ABI3BP: variants seen among roughly 807,000 people sequenced by gnomAD.
ABI3BP encodes target of Nesh-SH3.
In ABI3BP, 216 loss-of-function variants were observed where a neutral mutation model predicts 268.6. The ratio of observed to expected loss-of-function variants is 0.80; its 90% CI spans 0.72 to 0.90. The LOEUF (loss-of-function observed/expected upper bound fraction) is 0.90. ABI3BP is among the 40% of genes least tolerant of loss of function. The pLI, the probability that ABI3BP is intolerant of heterozygous loss-of-function variation, is 0.00. For synonymous variants in ABI3BP, 730 were observed against 730.0 expected, an observed-to-expected ratio of 1.00 and a Z score of 0.00; for missense variants, 2,090 against 2,182.4, an observed-to-expected ratio of 0.96 and a Z score of 0.84.
At chr3:100,983,400 C>G (rs755638770) in intron 1 of ABI3BP, among the ~76,000 whole-genome samples, 2 of 152,308 alleles carry the variant, frequency 1.3e-5, no homozygotes, top group Middle Eastern at 3.4e-3. Context: ...ATAACCCGTA[C>G]TTTCTGAGTA....
chr3:100,753,467 AT>A (rs1211273963), intron 65 of ABI3BP, among the ~76,000 whole-genome samples: 1 of 151,636 alleles, frequency 6.6e-6, no homozygotes, highest in Non-Finnish European at 1.5e-5. Context: ...TTATTTTTAA[AT>A]TTTTTGTAGA....
At chr3:100,843,344 G>A (rs910953725) in intron 20 of ABI3BP, among the ~76,000 whole-genome samples, 4 of 151,988 alleles carry the variant, frequency 2.6e-5, no homozygotes, top group Non-Finnish European at 2.9e-5. Flanking sequence ...ACAGATGAAC[G>A]GCAAAAGCAG....
chr3:100,785,587 A>G (rs927382519), intron 57 of ABI3BP, among the ~76,000 whole-genome samples: 1 of 152,204 alleles, frequency 6.6e-6, no homozygotes, highest in Non-Finnish European at 1.5e-5. Flanking sequence ...TGCCTACTGC[A>G]TTGGCTAAAC....
intron 57 of ABI3BP, among the ~76,000 whole-genome samples, chr3:100,781,715 G>C (rs1321975507): frequency 6.6e-6 from 1 of 152,190 alleles, no homozygotes; most frequent in Non-Finnish European, 1.5e-5. Flanking sequence ...CTAGTAGGCT[G>C]TCTTGAGTAG....
At chr3:100,955,380 C>T (rs2076464089) in intron 1 of ABI3BP, among the ~76,000 whole-genome samples, 2 of 152,150 alleles carry the variant, frequency 1.3e-5, no homozygotes, top group Admixed American at 1.3e-4. Context: ...ATTCAGTTTC[C>T]CTTTACAACA....
rs2098287072 is a variant in ABI3BP, at chr3:100,823,532, T to C, written c.2747-18A>G. The C allele has an allele frequency of 1.3e-6, 2 of 1,520,858 alleles. No homozygotes were observed. The highest frequency in any genetic ancestry group is 1.8e-6 in the Non-Finnish European group (2 of 1,138,490). 94.2% of individuals were successfully genotyped at this position (1,520,858 alleles called of 1,614,324 possible). ...AGCAGGAACTGACCAAAACAACATG[T>C]AAATCAAAGAGATTTTTAAACATAT... On this transcript the variant is annotated intron_variant, in intron 36 of 67. Coordinates refer to ENST00000471714, the MANE Select transcript of ABI3BP (RefSeq NM_001375547.2).
chr3:100,928,477 A>T (rs969985945), intron 1 of ABI3BP, among the ~76,000 whole-genome samples: 1 of 152,094 alleles, frequency 6.6e-6, no homozygotes, highest in East Asian at 1.9e-4. Context: ...ATGTTCAATT[A>T]GGCCTTTGGA....
intron 52 of ABI3BP, 61 bp from the exon 53 acceptor site, chr3:100,795,912 A>G (rs2097332426): frequency 8.5e-7 from 1 of 1,177,324 alleles, no homozygotes; most frequent in Non-Finnish European, 1.1e-6. Flanking sequence ...CAAAGTCAAA[A>G]TAGTTTCCTT....
intron 29 of ABI3BP, 52 bp downstream of exon 29, chr3:100,834,632 C>CATGCCACATCCAATGGG (rs2098547834): frequency 3.3e-6 from 5 of 1,502,378 alleles, no homozygotes; most frequent in Non-Finnish European, 4.5e-6. Context: ...CTGCCACCCC[C>CATGCCACATCCAATGGG]ATGCCACATC....
chr3:100,851,562 C>A (rs1374977597), intron 15 of ABI3BP, among the ~76,000 whole-genome samples: 1 of 152,314 alleles, frequency 6.6e-6, no homozygotes, highest in Middle Eastern at 3.4e-3. Flanking sequence ...CTGCTCCAGA[C>A]AAAACCCTCT....
At chr3:100,816,267 A>T in intron 43 of ABI3BP, 2 of 461,476 alleles carry the variant, frequency 4.3e-6, no homozygotes, top group Non-Finnish European at 7.6e-6. Flanking sequence ...AAATTTGTTT[A>T]GGCAACAGAT....
chr3:100,836,297 A>G (rs1315501843), intron 27 of ABI3BP, among the ~76,000 whole-genome samples: 1 of 152,192 alleles, frequency 6.6e-6, no homozygotes, highest in Admixed American at 6.5e-5. Context: ...ACATTCTGAA[A>G]TTGATTATAC....
intron 1 of ABI3BP, among the ~76,000 whole-genome samples, chr3:100,954,085 T>C (rs1289042362): frequency 1.3e-5 from 2 of 152,344 alleles, no homozygotes; most frequent in East Asian, 3.9e-4. Context: ...ATTATATTTC[T>C]GGTGCGCATC....
At chr3:100,805,016 C>A (rs1388026630) in intron 50 of ABI3BP, 150 bp from the exon 51 acceptor site, 5 of 625,942 alleles carry the variant, frequency 8.0e-6, no homozygotes, top group Non-Finnish European at 1.4e-5. Context: ...GAAGACCTAA[C>A]CTTAAGCTCT....
chr3:100,815,883 C>T lies in ABI3BP; in HGVS notation c.3289+29G>A, dbSNP rs1313833806. The T allele has an allele frequency of 2.0e-6, 3 of 1,495,272 alleles. No homozygotes were observed. In the Admixed American group the frequency reaches 6.9e-5, roughly 35 times the overall value. The allele number at this position is 1,495,272 out of a possible 1,614,324, so 92.6% of individuals were successfully genotyped here. A position where few individuals can be genotyped will look rare whatever the true frequency, so the allele number is the denominator to read the frequency against. On this transcript the variant is annotated intron_variant, in intron 44 of 67. Coordinates refer to ENST00000471714, the MANE Select transcript of ABI3BP (RefSeq NM_001375547.2). ...TGCGTTTTTAAATGGCAATAAAAAGCATTTAATGCAAGTCACAAAAATCAT... is the reference window on the plus strand; with the variant it reads ...TGCGTTTTTAAATGGCAATAAAAAGTATTTAATGCAAGTCACAAAAATCAT...
At chr3:100,859,456 A>T (rs555689661) in intron 14 of ABI3BP, among the ~76,000 whole-genome samples, 7 of 152,318 alleles carry the variant, frequency 4.6e-5, no homozygotes, top group African/African-American at 1.7e-4. Context: ...TTTAAACACT[A>T]TCTCTACCTG....
chr3:100,852,376 C>T (rs75389222), intron 14 of ABI3BP, among the ~76,000 whole-genome samples: 1 of 152,186 alleles, frequency 6.6e-6, no homozygotes, highest in Non-Finnish European at 1.5e-5. Context: ...GTAAAAGTTA[C>T]TGTTACAATA....
At position 100,834,760 on chromosome 3, in the gene ABI3BP, C is replaced by T. The variant is rs1418480713; in HGVS notation, c.2205G>A (p.Ser735=). 1.6e-5 allele frequency: 24 copies of T among 1,535,330 alleles called. No individual in the cohort carries two copies. The highest frequency in any genetic ancestry group is 9.5e-5 in the South Asian group (8 of 84,028). Residue 735 remains serine, a synonymous_variant, in exon 29 of 68, where the codon TCG becomes TCA. Transcript: ENST00000471714. The part of the protein sequence containing the change: ...ATVTTLAPKT[S]QRTRTRRPRP... ...GTGGACGACGTGTTCTTGTTCGTTG[C>T]GATGTTTTTGGAGCTAAAGAAAGGA...
intron 3 of ABI3BP, 86 bp downstream of exon 3, chr3:100,902,532 C>A: frequency 1.7e-6 from 2 of 1,207,962 alleles, no homozygotes; most frequent in East Asian, 2.4e-5. Flanking sequence ...CTTCTCAAGG[C>A]ATTTGGTCTC....
Sources: allele counts gnomAD v4.1 joint callset (sites outside exome capture counted in the v4.1 genomes callset), GRCh38; gene constraint gnomAD v4.1.1; transcripts MANE v1.5; gene names NCBI Gene and HGNC (gene_info 2026-07-23, HGNC 2026-07-21).